The following GRIK1 variants were observed in gnomAD, a reference collection of about 807,000 sequenced individuals.
GRIK1 encodes the protein glutamate receptor ionotropic, kainate 1.
A neutral mutation model predicts 105.7 loss-of-function variants in GRIK1; 69 were observed. The ratio of observed to expected loss-of-function variants is 0.65; its 90% CI spans 0.54 to 0.80. The LOEUF (loss-of-function observed/expected upper bound fraction) is 0.80. GRIK1 is among the 30% of genes least tolerant of loss of function. The pLI is 0.00. For synonymous variants in GRIK1, 438 were observed against 431.3 expected, an observed-to-expected ratio of 1.02 and a Z score of -0.19; for missense variants, 1,109 against 1,167.3, an observed-to-expected ratio of 0.95 and a Z score of 0.73.
chr21:29,721,949 A>C (rs1438280497), intron 1 of GRIK1, among the ~76,000 whole-genome samples: 1 of 152,198 alleles, frequency 6.6e-6, no homozygotes, highest in African/African-American at 2.4e-5. Context: ...CATGGGTACA[A>C]GGCATTTGGA....
intron 1 of GRIK1, among the ~76,000 whole-genome samples, chr21:29,861,497 A>G (rs468206): frequency 0.34 from 50,903 of 151,788 alleles, 9,545 homozygotes; most frequent in African/African-American, 0.5. Flanking sequence ...TTGTAGAGAC[A>G]GGGTTTTGTC....
chr21:29,814,842 G>A (rs556204190), intron 1 of GRIK1, among the ~76,000 whole-genome samples: 3 of 152,126 alleles, frequency 2.0e-5, no homozygotes, highest in African/African-American at 7.2e-5. Flanking sequence ...ATAAAGGCAA[G>A]GATGTGTAGA....
At chr21:29,742,674 T>C (rs893674487) in intron 1 of GRIK1, among the ~76,000 whole-genome samples, 1 of 152,250 alleles carries the variant, frequency 6.6e-6, no homozygotes, top group Non-Finnish European at 1.5e-5. Flanking sequence ...TTTGAAATTG[T>C]ACTTGGATTT....
At chr21:29,669,861 C>T (rs2063131013) in intron 4 of GRIK1, among the ~76,000 whole-genome samples, 1 of 152,096 alleles carries the variant, frequency 6.6e-6, no homozygotes, top group Non-Finnish European at 1.5e-5. Context: ...CCTCAGCCTC[C>T]CTAGGGAATC....
intron 1 of GRIK1, among the ~76,000 whole-genome samples, chr21:29,786,583 C>T (rs2066267054): frequency 6.6e-6 from 1 of 152,170 alleles, no homozygotes; most frequent in African/African-American, 2.4e-5. Context: ...CAGCTTCTTT[C>T]ACCAGTTTGC....
At chr21:29,933,679 C>T (rs1253091953) in intron 1 of GRIK1, among the ~76,000 whole-genome samples, 1 of 152,028 alleles carries the variant, frequency 6.6e-6, no homozygotes, top group East Asian at 1.9e-4. Context: ...ATGCATTTTA[C>T]ATGTGATATA....
At chr21:29,792,468 A>G (rs577948719) in intron 1 of GRIK1, among the ~76,000 whole-genome samples, 1 of 152,258 alleles carries the variant, frequency 6.6e-6, no homozygotes, top group Admixed American at 6.5e-5. Context: ...TTATGAGGTA[A>G]TTTCCTGAAA....
intron 1 of GRIK1, among the ~76,000 whole-genome samples, chr21:29,765,962 C>T (rs2065654464): frequency 6.6e-6 from 1 of 152,046 alleles, no homozygotes; most frequent in African/African-American, 2.4e-5. Flanking sequence ...CGCCATTCTC[C>T]TGCCTCAGCC....
chr21:29,618,596 A>T (rs1422289182), intron 7 of GRIK1, among the ~76,000 whole-genome samples: 1 of 152,224 alleles, frequency 6.6e-6, no homozygotes, highest in East Asian at 1.9e-4. Context: ...AATTGCAAAA[A>T]TATGGAAGGA....
intron 8 of GRIK1, 78 bp downstream of exon 8, chr21:29,598,752 A>T: frequency 1.5e-6 from 1 of 659,774 alleles, no homozygotes; most frequent in South Asian, 2.0e-5. Flanking sequence ...TCATTCACCT[A>T]CTTGTCTTTG....
chr21:29,568,400 A>C (rs1038694124), intron 14 of GRIK1, among the ~76,000 whole-genome samples: 2 of 152,216 alleles, frequency 1.3e-5, no homozygotes, highest in African/African-American at 2.4e-5. Flanking sequence ...AGTGCCCAGT[A>C]ACTTCTCTGA....
intron 9 of GRIK1, among the ~76,000 whole-genome samples, chr21:29,594,091 G>T (rs567837454): frequency 6.6e-6 from 1 of 152,254 alleles, no homozygotes; most frequent in African/African-American, 2.4e-5. Context: ...ATATAGTAAA[G>T]GTCAGGCTAT....
chr21:29,847,206 C>A (rs1023614917), intron 1 of GRIK1, among the ~76,000 whole-genome samples: 3 of 152,128 alleles, frequency 2.0e-5, no homozygotes, highest in South Asian at 2.1e-4. Flanking sequence ...TTTCCTTCTT[C>A]TTCCCATCAT....
chr21:29,787,511 T>TCC (rs1329053554), intron 1 of GRIK1, among the ~76,000 whole-genome samples: 1 of 152,236 alleles, frequency 6.6e-6, no homozygotes, highest in Non-Finnish European at 1.5e-5. Context: ...TCTTGGCAAG[T>TCC]ATAGCTCACT....
At chr21:29,745,057 G>T (rs868311800) in intron 1 of GRIK1, among the ~76,000 whole-genome samples, 1 of 152,116 alleles carries the variant, frequency 6.6e-6, no homozygotes, top group Non-Finnish European at 1.5e-5. Flanking sequence ...AGAGAAAGTG[G>T]TTAAATGTCA....
chr21:29,858,030 A>C (rs1479458188), intron 1 of GRIK1, among the ~76,000 whole-genome samples: 1 of 152,108 alleles, frequency 6.6e-6, no homozygotes, highest in Non-Finnish European at 1.5e-5. Flanking sequence ...CCCGCCGAGT[A>C]GCTGGGATTA....
chr21:29,581,179 TA>T (rs1481689010), intron 13 of GRIK1, among the ~76,000 whole-genome samples: 1 of 152,180 alleles, frequency 6.6e-6, no homozygotes, highest in Non-Finnish European at 1.5e-5. Context: ...TATCTTTTGC[TA>T]CCCACAGGAA....
At chr21:29,789,096 A>G (rs2066341609) in intron 1 of GRIK1, among the ~76,000 whole-genome samples, 1 of 152,198 alleles carries the variant, frequency 6.6e-6, no homozygotes, top group African/African-American at 2.4e-5. Flanking sequence ...CTTACCTGAG[A>G]CCTGTGCTCC....
intron 13 of GRIK1, 120 bp downstream of exon 13, chr21:29,581,296 GTTGCTATTT>G: frequency 1.5e-6 from 1 of 665,796 alleles, no homozygotes; most frequent in African/African-American, 1.8e-5. Context: ...TAGAAAGTCC[GTTGCTATTT>G]TCTTAAGTTC....
Sources: allele counts gnomAD v4.1 joint callset (sites outside exome capture counted in the v4.1 genomes callset), GRCh38; gene constraint gnomAD v4.1.1; transcripts MANE v1.5; gene names NCBI Gene and HGNC (gene_info 2026-07-23, HGNC 2026-07-21).